Variants in EIF4G3 observed in about 807,000 individuals in gnomAD.
EIF4G3 encodes eukaryotic translation initiation factor 4 gamma 3.
A neutral mutation model predicts 186.4 loss-of-function variants in EIF4G3; 34 were observed. The observed-to-expected ratio is 0.18, with a 90% confidence interval of 0.14 to 0.24. The LOEUF is 0.24. Among genes scored for constraint, EIF4G3 ranks in the 10% least tolerant of loss-of-function variants. The pLI is 1.00. For missense variants in EIF4G3, 1,536 were observed against 1,948.5 expected, an observed-to-expected ratio of 0.79 and a Z score of 3.99; for synonymous variants, 673 against 679.5, an observed-to-expected ratio of 0.99 and a Z score of 0.15.
At chr1:20,809,049 T>C (rs2058708155) in intron 36 of EIF4G3, among the ~76,000 whole-genome samples, 1 of 151,910 alleles carries the variant, frequency 6.6e-6, no homozygotes, top group Admixed American at 6.6e-5. Context: ...TCTCGGCTCA[T>C]TGCAACCACC....
intron 2 of EIF4G3, among the ~76,000 whole-genome samples, chr1:21,155,492 AC>A (rs2097642985): frequency 1.3e-5 from 2 of 152,124 alleles, no homozygotes; most frequent in South Asian, 4.1e-4. Flanking sequence ...ACTGCCCAGA[AC>A]CCCAACAGCA....
chr1:21,045,138 A>T (rs1410827809), intron 4 of EIF4G3, among the ~76,000 whole-genome samples: 3 of 152,214 alleles, frequency 2.0e-5, no homozygotes, highest in Non-Finnish European at 2.9e-5. Context: ...AAAAATAAAT[A>T]AAAAAACAGC....
At chr1:21,141,397 G>GTGTGTGTGTA in intron 2 of EIF4G3, among the ~76,000 whole-genome samples, 1 of 144,518 alleles carries the variant, frequency 6.9e-6, no homozygotes, top group East Asian at 2.1e-4. Flanking sequence ...GTGTGTGTGT[G>GTGTGTGTGTA]TATGTGTAGT....
intron 14 of EIF4G3, among the ~76,000 whole-genome samples, chr1:20,919,961 C>G (rs2094344779): frequency 6.9e-6 from 1 of 144,400 alleles, no homozygotes; most frequent in African/African-American, 2.5e-5. Context: ...GGCTGGAGTG[C>G]AATGGCGCAA....
At chr1:20,847,510 G>T (rs368506830) in intron 29 of EIF4G3, among the ~76,000 whole-genome samples, 1 of 152,076 alleles carries the variant, frequency 6.6e-6, no homozygotes, top group Non-Finnish European at 1.5e-5. Context: ...CCCTTTTAAA[G>T]GGTTATTCAT....
At chr1:21,048,517 G>A (rs1030125312) in intron 4 of EIF4G3, among the ~76,000 whole-genome samples, 2 of 151,966 alleles carry the variant, frequency 1.3e-5, no homozygotes, top group African/African-American at 2.4e-5. Context: ...CCAAAAGATG[G>A]CTTCTCTAGT....
intron 13 of EIF4G3, among the ~76,000 whole-genome samples, chr1:20,944,782 C>T (rs2095868928): frequency 6.6e-6 from 1 of 151,806 alleles, no homozygotes; most frequent in African/African-American, 2.4e-5. Context: ...GCCTGTAAAT[C>T]CCAGCACTTT....
chr1:20,998,701 C>T (rs2082831999), intron 6 of EIF4G3: 3 of 201,864 alleles, frequency 1.5e-5, no homozygotes, highest in African/African-American at 2.3e-5. Context: ...GATACTAATA[C>T]ATTAACTATT....
intron 2 of EIF4G3, among the ~76,000 whole-genome samples, chr1:21,092,872 G>A (rs1057303508): frequency 9.9e-5 from 15 of 152,196 alleles, no homozygotes; most frequent in African/African-American, 2.9e-4. Flanking sequence ...TTTAATAAAC[G>A]GTGCTGGGAA....
intron 14 of EIF4G3, among the ~76,000 whole-genome samples, chr1:20,910,137 T>C (rs943794161): frequency 6.6e-6 from 1 of 152,108 alleles, no homozygotes; most frequent in Admixed American, 6.5e-5. Flanking sequence ...TAGTGCTACG[T>C]AGCAGGATAA....
intron 4 of EIF4G3, among the ~76,000 whole-genome samples, chr1:21,032,051 A>T (rs2092792727): frequency 6.6e-6 from 1 of 152,212 alleles, no homozygotes; most frequent in African/African-American, 2.4e-5. Context: ...GTATTCAATA[A>T]AATAGCTTTA....
chr1:20,816,681 G>C (rs1187485221), intron 34 of EIF4G3, among the ~76,000 whole-genome samples: 2 of 109,914 alleles, frequency 1.8e-5, no homozygotes, highest in African/African-American at 6.8e-5. Flanking sequence ...GCTTCTGCCC[G>C]GCCGCCCCTA....
intron 4 of EIF4G3, among the ~76,000 whole-genome samples, chr1:21,013,732 T>C (rs964144792): frequency 2.0e-5 from 3 of 152,166 alleles, no homozygotes; most frequent in African/African-American, 7.2e-5. Flanking sequence ...ATAGGCCCAG[T>C]GAATATACAA....
intron 16 of EIF4G3, among the ~76,000 whole-genome samples, chr1:20,898,179 T>C (rs1236790914): frequency 6.6e-6 from 1 of 152,064 alleles, no homozygotes; most frequent in African/African-American, 2.4e-5. Flanking sequence ...TAAAGCCCAT[T>C]AACAGGATTT....
rs1558309863 is a variant in EIF4G3, at chr1:20,934,544, AAAG to A, written c.1663+6944_1663+6946del. On this transcript the variant is annotated intron_variant, in intron 14 of 36. Coordinates refer to ENST00000602326, the MANE Select transcript of EIF4G3 (RefSeq NM_001391906.1). Reference sequence around the variant, plus strand: ...ACCCAGTGTCCTCAATGTTCTCAATAAAGAAGGAGACGAGGTCATGTGCTGCAG... The same window carrying A: ...ACCCAGTGTCCTCAATGTTCTCAATAAAGGAGACGAGGTCATGTGCTGCAG... Among the ~76,000 whole-genome samples, 4 of 152,180 alleles carry A rather than the reference AAAG, an allele frequency of 2.6e-5. No homozygotes were observed. In the South Asian group the frequency reaches 8.3e-4, roughly 32 times the overall value.
intron 4 of EIF4G3, among the ~76,000 whole-genome samples, chr1:21,039,400 A>T (rs1451235205): frequency 1.3e-5 from 2 of 152,276 alleles, no homozygotes; most frequent in Non-Finnish European, 2.9e-5. Flanking sequence ...ATTCCAACAA[A>T]GGAACATAGG....
At chr1:21,051,847 G>C (rs1241809704) in intron 3 of EIF4G3, among the ~76,000 whole-genome samples, 1 of 152,138 alleles carries the variant, frequency 6.6e-6, no homozygotes, top group Non-Finnish European at 1.5e-5. Context: ...CTGAGTGACA[G>C]AGGAAAACCC....
chr1:20,829,519 T>C (rs941500213), intron 30 of EIF4G3, among the ~76,000 whole-genome samples: 1 of 152,110 alleles, frequency 6.6e-6, no homozygotes, highest in African/African-American at 2.4e-5. Context: ...ACATGAACTA[T>C]GTACAAGAAG....
chr1:21,034,421 G>A (rs1240139181), intron 4 of EIF4G3, among the ~76,000 whole-genome samples: 3 of 152,124 alleles, frequency 2.0e-5, no homozygotes, highest in South Asian at 2.1e-4. Context: ...TTCAAAAACA[G>A]ATATTTAATG....
Sources: gnomAD v4.1 joint callset for allele counts (sites outside exome capture counted in the v4.1 genomes callset) on GRCh38, gnomAD v4.1.1 for gene constraint, MANE v1.5 for transcripts, NCBI Gene and HGNC (gene_info 2026-07-23, HGNC 2026-07-21) for gene names.